The following FHDC1 variants were observed in gnomAD, a reference collection of about 807,000 sequenced individuals.
FHDC1 encodes the protein FH2 domain-containing protein 1.
Under a neutral mutation model 52.6 loss-of-function variants are expected in FHDC1, and 25 were observed. That is an observed-to-expected ratio of 0.48 (90% CI 0.35 to 0.66). The LOEUF (loss-of-function observed/expected upper bound fraction) is 0.66, where lower values mean the gene tolerates loss of function less well. Among genes scored for constraint, FHDC1 ranks in the 30% least tolerant of loss-of-function variants. The pLI is 0.01. For missense variants in FHDC1, 1,459 were observed against 1,452.8 expected, an observed-to-expected ratio of 1.00 and a Z score of -0.07; for synonymous variants, 616 against 581.5, an observed-to-expected ratio of 1.06 and a Z score of -0.85.
chr4:152,952,701 T>A (rs1021785045), intron 2 of FHDC1, among the ~76,000 whole-genome samples: 1 of 152,178 alleles, frequency 6.6e-6, no homozygotes, highest in Non-Finnish European at 1.5e-5. Context: ...GACTTGAGCA[T>A]CGTTAGATTT....
intron 1 of FHDC1, among the ~76,000 whole-genome samples, chr4:152,939,369 C>G (rs910175424): frequency 1.1e-4 from 16 of 151,998 alleles, no homozygotes; most frequent in African/African-American, 3.4e-4. Flanking sequence ...CTCCTGACCT[C>G]GTGATCTGCC....
the FHDC1 span, chr4:152,912,055 G>A: frequency 6.6e-6 from 1 of 151,984 alleles, no homozygotes; most frequent in Admixed American, 6.6e-5. Context: ...TTTTTTCAAT[G>A]TGAATCTCTT....
chr4:152,944,303 A>G (rs1739662538), intron 2 of FHDC1, among the ~76,000 whole-genome samples: 1 of 152,066 alleles, frequency 6.6e-6, no homozygotes, highest in African/African-American at 2.4e-5. Context: ...AAGTATTGTC[A>G]GTTTAGAAAC....
At chr4:152,972,339 A>G (rs1369893544) in intron 10 of FHDC1, 38 bp from the exon 11 acceptor site, 2 of 1,556,370 alleles carry the variant, frequency 1.3e-6, no homozygotes, top group Non-Finnish European at 1.7e-6. Flanking sequence ...TCAGCTGACA[A>G]CGTTTACCTC....
chr4:152,974,890 C>T lies in FHDC1; in HGVS notation c.1599C>T (p.Pro533=), dbSNP rs759398034. 9 of 1,607,894 alleles carry T rather than the reference C, an allele frequency of 5.6e-6. No individual in the cohort carries two copies. The East Asian group carries it at 1.8e-4, about 32-fold the overall frequency. Residue 533 remains proline, a synonymous_variant, in exon 12 of 12, where the codon CCC becomes CCT. Coordinates refer to ENST00000511601, the MANE Select transcript of FHDC1 (RefSeq NM_001371116.1). ...PISPSSPSYR[P]PNTRRSRLSL... The stretch of plus-strand genomic sequence containing the variant: ...GCCCCTCCAGCCCCTCCTACCGGCC[C>T]CCGAACACCCGCCGCTCCCGCCTCT...
chr4:152,928,043 A>T, the FHDC1 span: 2 of 1,438,134 alleles, frequency 1.4e-6, no homozygotes, highest in Non-Finnish European at 2.0e-6. Context: ...TGGCTCCTCC[A>T]TCCACTGCCC....
At chr4:152,931,032 G>GTTGA in the FHDC1 span, among the ~76,000 whole-genome samples, 13 of 142,406 alleles carry the variant, frequency 9.1e-5, no homozygotes, top group East Asian at 2.6e-3. Flanking sequence ...CTCTAATATT[G>GTTGA]TTGATTGATT....
chr4:152,922,530 C>G, the FHDC1 span, among the ~76,000 whole-genome samples: 1 of 150,582 alleles, frequency 6.6e-6, no homozygotes, highest in Admixed American at 6.6e-5. Flanking sequence ...ATCCTGATAC[C>G]AAAGCCGGGC....
chr4:152,976,332 A>G lies in FHDC1; in HGVS notation c.3041A>G (p.Lys1014Arg). The G allele has an allele frequency of 6.2e-7, 1 of 1,613,668 alleles. No homozygotes were observed. The highest frequency in any genetic ancestry group is 8.5e-7 in the Non-Finnish European group (1 of 1,179,990). ...RAHSEGPESPKEEPKTPSVPS... is the reference protein window; with the variant it reads ...RAHSEGPESPREEPKTPSVPS... ...CACTCCGAGGGCCCTGAGAGTCCCA[A>G]AGAAGAGCCCAAGACCCCGTCAGTG... Residue 1014 changes from lysine (K) to arginine (R), a missense_variant, in exon 12 of 12, where the codon AAA (lysine) becomes AGA (arginine). Coordinates refer to ENST00000511601, the MANE Select transcript of FHDC1 (RefSeq NM_001371116.1).
intron 2 of FHDC1, among the ~76,000 whole-genome samples, chr4:152,945,528 C>T (rs951989776): frequency 2.6e-5 from 4 of 152,146 alleles, no homozygotes; most frequent in Admixed American, 6.5e-5. Context: ...GCACTCTTGG[C>T]TCACTGCAAC....
chr4:152,922,286 AC>A, the FHDC1 span, among the ~76,000 whole-genome samples: 2 of 152,130 alleles, frequency 1.3e-5, no homozygotes, highest in African/African-American at 4.8e-5. Flanking sequence ...CGACACATAC[AC>A]CCTCCCAAGA....
chr4:152,967,711 C>A (rs116310994), intron 9 of FHDC1, among the ~76,000 whole-genome samples: 1,955 of 152,252 alleles, frequency 0.013, 51 homozygotes, highest in African/African-American at 0.044. Context: ...TTTATGAAAA[C>A]GTTTGCAGAT....
intron 3 of FHDC1, among the ~76,000 whole-genome samples, 186 bp from the exon 4 acceptor site, chr4:152,954,031 A>G (rs1740004852): frequency 6.6e-6 from 1 of 152,086 alleles, no homozygotes; most frequent in South Asian, 2.1e-4. Flanking sequence ...AGGGCCCTTG[A>G]GTGGAGTGTT....
At chr4:152,926,182 GA>G in the FHDC1 span, among the ~76,000 whole-genome samples, 10 of 129,462 alleles carry the variant, frequency 7.7e-5, no homozygotes, top group South Asian at 2.5e-4. Context: ...CCACTGAGAA[GA>G]AAAAAAAAAC....
Position 152,943,396 on chromosome 4 carries a change from A to C in FHDC1, c.339A>C (p.Lys113Asn). The change falls in exon 2 of 12, where the codon AAA becomes AAC. Residue 113 changes from lysine (K) to asparagine (N), a missense_variant. Physicochemically the swap from Lys to Asn is moderately conservative, Grantham distance 94. This residue lies in a region of FHDC1 where 513 missense variants were observed against 581.5 expected (regional missense o/e 0.88). Transcript: ENST00000511601. Reference protein sequence around the residue: ...KTIPEEQVRGKTNIWTLAARQ... With the variant: ...KTIPEEQVRGNTNIWTLAARQ... ...TTCCGGAGGAGCAAGTTCGAGGCAAAACCAACATCTGGACCTTGGCAGCCA... is the reference window on the plus strand; with the variant it reads ...TTCCGGAGGAGCAAGTTCGAGGCAACACCAACATCTGGACCTTGGCAGCCA... The C allele has an allele frequency of 6.2e-7, 1 of 1,614,036 alleles. No individual in the cohort carries two copies. Among genetic ancestry groups the C allele is most frequent in the Non-Finnish European group, 8.5e-7 (1 of 1,180,000 alleles).
intron 4 of FHDC1, among the ~76,000 whole-genome samples, chr4:152,956,803 C>T (rs1320567270): frequency 6.6e-6 from 1 of 152,194 alleles, no homozygotes; most frequent in African/African-American, 2.4e-5. Flanking sequence ...CACACTTCGC[C>T]TCCTTGTTTA....
In FHDC1 at chr4:152,976,939, G is replaced by A. The variant is rs561636441; in HGVS notation, c.*216G>A. On this transcript the variant is annotated 3_prime_UTR_variant, in exon 12 of 12. Coordinates refer to ENST00000511601, the MANE Select transcript of FHDC1 (RefSeq NM_001371116.1). ...CAGTCCAGCGTCCAGATGGATGCAC[G>A]TTCACTACTGTGACGGCCGCACCTC... 3.6e-5 allele frequency: 17 copies of A among 467,208 alleles called. No individual in the cohort carries two copies. The highest frequency in any genetic ancestry group is 2.7e-4 in the African/African-American group (14 of 51,360). The allele number at this position is 467,208 out of a possible 1,614,324, so 28.9% of individuals were successfully genotyped here.
intron 2 of FHDC1, among the ~76,000 whole-genome samples, chr4:152,947,747 G>A (rs1739776782): frequency 6.6e-6 from 1 of 151,842 alleles, no homozygotes; most frequent in South Asian, 2.1e-4. Context: ...GATGTCTGTA[G>A]CAATATAACA....
In FHDC1 at chr4:152,975,774, C is replaced by A. The variant is rs775443291; in HGVS notation, c.2483C>A (p.Pro828His). The change falls in exon 12 of 12, where the codon CCC becomes CAC. Residue 828 changes from proline (P) to histidine (H), a missense_variant. This residue lies in a region of FHDC1 where 939 missense variants were observed against 854.5 expected (regional missense o/e 1.10). Coordinates refer to ENST00000511601, the MANE Select transcript of FHDC1 (RefSeq NM_001371116.1). Reference protein sequence around the residue: ...SQVSSNPTSSPPGEAPAPVSV... With the variant: ...SQVSSNPTSSHPGEAPAPVSV... The stretch of plus-strand genomic sequence containing the variant: ...GTCTCCTCCAACCCTACATCCAGCC[C>A]CCCTGGGGAGGCTCCTGCCCCCGTC... 6.4e-7 allele frequency: 1 copy of A among 1,555,388 alleles called. No homozygotes were observed. The highest frequency in any genetic ancestry group is 8.7e-7 in the Non-Finnish European group (1 of 1,149,402).
Sources: allele counts gnomAD v4.1 joint callset (sites outside exome capture counted in the v4.1 genomes callset), GRCh38; gene constraint gnomAD v4.1.1; regional missense constraint gnomAD v4.1.1; transcripts MANE v1.5; gene names NCBI Gene and HGNC (gene_info 2026-07-23, HGNC 2026-07-21).